Variants in RABEP1 observed in about 807,000 individuals in gnomAD.
RABEP1 encodes rabaptin, RAB GTPase binding effector protein 1.
A neutral mutation model predicts 123.4 loss-of-function variants in RABEP1; 51 were observed. That is an observed-to-expected ratio of 0.41 (90% CI 0.33 to 0.52). The LOEUF (loss-of-function observed/expected upper bound fraction) is 0.52. Among genes scored for constraint, RABEP1 ranks in the 20% least tolerant of loss-of-function variants. The pLI, the probability that RABEP1 is intolerant of heterozygous loss-of-function variation, is 0.16. For missense variants in RABEP1, 888 were observed against 996.3 expected, an observed-to-expected ratio of 0.89 and a Z score of 1.46; for synonymous variants, 347 against 355.2, an observed-to-expected ratio of 0.98 and a Z score of 0.26.
At chr17:5,316,977 T>G (rs981542375) in intron 2 of RABEP1, among the ~76,000 whole-genome samples, 3 of 152,094 alleles carry the variant, frequency 2.0e-5, no homozygotes, top group African/African-American at 7.2e-5. Context: ...CTATGTCGGC[T>G]GACTGCAACC....
chr17:5,304,991 A>G (rs187581550), intron 1 of RABEP1, among the ~76,000 whole-genome samples: 1 of 152,360 alleles, frequency 6.6e-6, no homozygotes, highest in Admixed American at 6.5e-5. Flanking sequence ...TATATGCCAC[A>G]CTAAGTACTT....
At chr17:5,374,211 C>T (rs1257365167) in intron 13 of RABEP1, among the ~76,000 whole-genome samples, 6 of 150,166 alleles carry the variant, frequency 4.0e-5, no homozygotes, top group African/African-American at 1.3e-4. Context: ...GGATTACAAG[C>T]GCCTGCCACC....
rs1911437152 is a variant in RABEP1 at position 5,381,380 on chromosome 17, A to AT, written c.2371-3dup. 2 of 1,606,446 alleles carry AT rather than the reference A, an allele frequency of 1.2e-6. No individual in the cohort carries two copies. Among genetic ancestry groups the AT allele is most frequent in the Admixed American group, 1.7e-5 (1 of 58,212 alleles). ...GCATTAATCTTCATTCAAAACTTGT[A>AT]TTTTTTAGGCTACCGTTGAACAACT... On this transcript the variant is annotated splice_polypyrimidine_tract_variant and intron_variant, in intron 16 of 17. Transcript: ENST00000537505.
intron 1 of RABEP1, among the ~76,000 whole-genome samples, chr17:5,290,095 A>G (rs903266272): frequency 6.6e-6 from 1 of 152,036 alleles, no homozygotes. Context: ...AGAAGTATTT[A>G]TTTATTTTTT....
At chr17:5,298,569 AAT>A (rs1239283928) in intron 1 of RABEP1, among the ~76,000 whole-genome samples, 2 of 152,212 alleles carry the variant, frequency 1.3e-5, no homozygotes, top group East Asian at 3.8e-4. Context: ...AACACTTAAA[AAT>A]ATTAGTATGT....
At chr17:5,377,002 C>T in intron 13 of RABEP1, 114 bp from the exon 14 acceptor site, 1 of 1,126,260 alleles carries the variant, frequency 8.9e-7, no homozygotes, top group Non-Finnish European at 1.3e-6. Flanking sequence ...TGGTCAAAGT[C>T]TTAATTTTTG....
At chr17:5,307,752 T>G (rs1430570543) in intron 1 of RABEP1, among the ~76,000 whole-genome samples, 1 of 152,000 alleles carries the variant, frequency 6.6e-6, no homozygotes, top group Admixed American at 6.6e-5. Flanking sequence ...AATTATAGAG[T>G]CCATAAAGTA....
intron 9 of RABEP1, 137 bp from the exon 10 acceptor site, chr17:5,362,775 C>T (rs1276305451): frequency 1.6e-6 from 1 of 616,456 alleles, no homozygotes; most frequent in Non-Finnish European, 2.9e-6. Flanking sequence ...TATATTGTAA[C>T]TTTTTGCCGT....
At chr17:5,310,998 C>T (rs1160740407) in intron 2 of RABEP1, among the ~76,000 whole-genome samples, 14 of 151,972 alleles carry the variant, frequency 9.2e-5, no homozygotes, top group East Asian at 3.9e-4. Context: ...CTAGTAGAGA[C>T]GGGGTCTCAC....
Position 5,288,642 on chromosome 17 carries a change from G to A in RABEP1, c.34+6122G>A, listed in dbSNP as rs868213093. Among the ~76,000 whole-genome samples, 75 of 152,200 alleles carry A rather than the reference G, an allele frequency of 4.9e-4. 1 individual carries two copies. The highest frequency in any genetic ancestry group is 1.8e-3 in the African/African-American group (74 of 41,524). Reference sequence around the variant, plus strand: ...ACTCCTGACCTCAGATGATGCATCCGCCTTGGCCTCCCAAAGTGCTGGGAT... The same window carrying A: ...ACTCCTGACCTCAGATGATGCATCCACCTTGGCCTCCCAAAGTGCTGGGAT... On this transcript the variant is annotated intron_variant, in intron 1 of 17. Coordinates refer to ENST00000537505, the MANE Select transcript of RABEP1 (RefSeq NM_004703.6).
intron 12 of RABEP1, chr17:5,371,756 C>T (rs1200859212): frequency 6.6e-6 from 1 of 152,234 alleles, no homozygotes; most frequent in Admixed American, 6.5e-5. Context: ...ACCCCTTTGT[C>T]CTTTTATCAC....
chr17:5,345,019 A>G (rs1274349072), intron 5 of RABEP1, among the ~76,000 whole-genome samples: 2 of 152,220 alleles, frequency 1.3e-5, no homozygotes, highest in Non-Finnish European at 2.9e-5. Flanking sequence ...CGGTTAACAA[A>G]AGAGGAAACC....
intron 6 of RABEP1, 50 bp from the exon 7 acceptor site, chr17:5,350,401 A>G (rs1417751506): frequency 5.1e-6 from 8 of 1,558,656 alleles, no homozygotes; most frequent in Admixed American, 2.1e-5. Flanking sequence ...GAAATTGCCT[A>G]CCATTAAAAT....
intron 3 of RABEP1, among the ~76,000 whole-genome samples, chr17:5,333,204 C>G (rs556839570): frequency 6.6e-6 from 1 of 151,946 alleles, no homozygotes; most frequent in Non-Finnish European, 1.5e-5. Flanking sequence ...ACTCTGTTGC[C>G]CAGGCTGGAG....
In RABEP1 at chr17:5,282,465, C is replaced by T. The variant is rs1477304309; in HGVS notation, c.-22C>T. Reference sequence around the variant, plus strand: ...CGCCGCTTCCCCGCCCATCCCCGCTCCCCGAGGCCGGCCGCCTGGTCATGG... The same window carrying T: ...CGCCGCTTCCCCGCCCATCCCCGCTTCCCGAGGCCGGCCGCCTGGTCATGG... On this transcript the variant is annotated 5_prime_UTR_variant, in exon 1 of 18. Transcript: ENST00000537505. The T allele has an allele frequency of 3.0e-6, 4 of 1,345,512 alleles. No homozygotes were observed. Among genetic ancestry groups the T allele is most frequent in the African/African-American group, 1.5e-5 (1 of 66,074 alleles). The allele number at this position is 1,345,512 out of a possible 1,614,324, so 83.3% of individuals were successfully genotyped here.
chr17:5,321,883 A>G (rs9652832), intron 2 of RABEP1, among the ~76,000 whole-genome samples: 66,190 of 152,002 alleles, frequency 0.44, 15,197 homozygotes, highest in African/African-American at 0.58. Flanking sequence ...CCCTGTCTCT[A>G]AAACAAAATT....
At chr17:5,373,693 A>ACAC (rs1910720871) in intron 13 of RABEP1, among the ~76,000 whole-genome samples, 2 of 135,254 alleles carry the variant, frequency 1.5e-5, no homozygotes, top group Admixed American at 7.6e-5. Flanking sequence ...ACACCAGCTA[A>ACAC]ACACACACAC....
intron 2 of RABEP1, among the ~76,000 whole-genome samples, chr17:5,323,790 A>ATC (rs1299057402): frequency 2.3e-5 from 3 of 130,126 alleles, no homozygotes; most frequent in African/African-American, 9.3e-5. Flanking sequence ...ATATATATAT[A>ATC]TATCTAGGAA....
intron 11 of RABEP1, among the ~76,000 whole-genome samples, chr17:5,367,634 C>T (rs1910169713): frequency 6.6e-6 from 1 of 151,016 alleles, no homozygotes; most frequent in Admixed American, 6.6e-5. Context: ...GTGAAAAGAT[C>T]CACCTTTCCC....
Sources: gnomAD v4.1 joint callset for allele counts (sites outside exome capture counted in the v4.1 genomes callset) on GRCh38, gnomAD v4.1.1 for gene constraint, MANE v1.5 for transcripts, NCBI Gene and HGNC (gene_info 2026-07-23, HGNC 2026-07-21) for gene names.